PACSIN2: variants seen among roughly 807,000 people sequenced by gnomAD.
The protein encoded by PACSIN2 is protein kinase C and casein kinase substrate in neurons 2.
In PACSIN2, 25 loss-of-function variants were observed where a neutral mutation model predicts 63.8. That is an observed-to-expected ratio of 0.39 (90% confidence interval 0.29 to 0.55). The LOEUF (loss-of-function observed/expected upper bound fraction) is 0.55. PACSIN2 is among the 20% of genes least tolerant of loss of function. The pLI, the probability that PACSIN2 is intolerant of heterozygous loss-of-function variation, is 0.62. For missense variants in PACSIN2, 518 were observed against 646.9 expected, an observed-to-expected ratio of 0.80 and a Z score of 2.16; for synonymous variants, 255 against 256.2, an observed-to-expected ratio of 1.00 and a Z score of 0.05.
chr22:42,875,911 G>A (rs888639104), intron 10 of PACSIN2, among the ~76,000 whole-genome samples: 2 of 152,118 alleles, frequency 1.3e-5, no homozygotes, highest in Non-Finnish European at 2.9e-5. Flanking sequence ...GGGCTCAAGC[G>A]ATCCTTCCAC....
intron 1 of PACSIN2, among the ~76,000 whole-genome samples, chr22:42,964,179 G>A (rs1920934648): frequency 6.6e-6 from 1 of 152,146 alleles, no homozygotes; most frequent in Non-Finnish European, 1.5e-5. Context: ...GTACTTTGTG[G>A]GGCCAAGGTG....
chr22:43,002,209 G>A (rs1311833034), intron 1 of PACSIN2: 1 of 152,130 alleles, frequency 6.6e-6, no homozygotes, highest in Non-Finnish European at 1.5e-5. Flanking sequence ...AGGACCACAC[G>A]ACCCCCAGGC....
intron 4 of PACSIN2, among the ~76,000 whole-genome samples, chr22:42,890,004 CT>C (rs573073554): frequency 1.9e-3 from 266 of 136,986 alleles, no homozygotes; most frequent in African/African-American, 4.0e-3. Context: ...GCCAAAGGGA[CT>C]TTTTTTTTTT....
intron 2 of PACSIN2, among the ~76,000 whole-genome samples, chr22:42,903,917 G>A (rs1245877398): frequency 6.6e-6 from 1 of 152,142 alleles, no homozygotes; most frequent in Non-Finnish European, 1.5e-5. Flanking sequence ...CGAAGGTGAA[G>A]AAAATGGAGC....
chr22:42,936,673 G>C (rs1200272635), intron 1 of PACSIN2, among the ~76,000 whole-genome samples: 1 of 152,152 alleles, frequency 6.6e-6, no homozygotes, highest in East Asian at 1.9e-4. Context: ...CACTTTGGAA[G>C]GTCCAACTGG....
chr22:42,919,794 A>AAAAGAAAG lies in PACSIN2; in HGVS notation c.-77-7645_-77-7638dup, dbSNP rs1555917999. Among the ~76,000 whole-genome samples the AAAAGAAAG allele has an allele frequency of 0.011, 1,133 of 105,126 alleles. 59 individuals carry two copies. In the East Asian group the frequency reaches 0.11, roughly 11 times the overall value. 69.0% of individuals were successfully genotyped at this position (105,126 alleles called of 152,430 possible). On this transcript the variant is annotated intron_variant, in intron 1 of 10. Transcript: ENST00000263246. ...TCTCAAAAAAAAAAAAAAAAAAAAA[A>AAAAGAAAG]AAAGAAAGAAAGAAAGAAAAAGAAA...
chr22:42,937,402 C>G (rs1932959882), intron 1 of PACSIN2, among the ~76,000 whole-genome samples: 1 of 152,030 alleles, frequency 6.6e-6, no homozygotes, highest in African/African-American at 2.4e-5. Context: ...TGAGCCCAGG[C>G]AGGCGGCAGT....
intron 2 of PACSIN2, among the ~76,000 whole-genome samples, chr22:42,898,000 C>T (rs1206091490): frequency 6.6e-6 from 1 of 151,876 alleles, no homozygotes; most frequent in African/African-American, 2.4e-5. Context: ...GGCCTGCATC[C>T]TGAAGGGTGT....
At chr22:42,875,149 C>T (rs1928509147) in intron 10 of PACSIN2, among the ~76,000 whole-genome samples, 1 of 129,122 alleles carries the variant, frequency 7.7e-6, no homozygotes, top group Non-Finnish European at 1.7e-5. Context: ...CATGCCCAGC[C>T]TACTTTTTTT....
chr22:42,872,864 A>G (rs1928273148), intron 10 of PACSIN2, among the ~76,000 whole-genome samples: 1 of 152,284 alleles, frequency 6.6e-6, no homozygotes, highest in South Asian at 2.1e-4. Flanking sequence ...TGCAGGGGCC[A>G]CAGGGCAGCA....
chr22:42,881,740 T>C (rs1929089778), intron 7 of PACSIN2, among the ~76,000 whole-genome samples: 1 of 152,118 alleles, frequency 6.6e-6, no homozygotes, highest in African/African-American at 2.4e-5. Context: ...TAGGGAAAAG[T>C]CCTTTGTTGG....
intron 1 of PACSIN2, among the ~76,000 whole-genome samples, chr22:43,009,429 G>A (rs1218996487): frequency 6.6e-6 from 1 of 152,224 alleles, no homozygotes; most frequent in Non-Finnish European, 1.5e-5. Context: ...AATATCACAG[G>A]TGAGAGGGAG....
At chr22:43,002,289 G>A (rs1923819505) in intron 1 of PACSIN2, 1 of 152,164 alleles carries the variant, frequency 6.6e-6, no homozygotes, top group Non-Finnish European at 1.5e-5. Flanking sequence ...GAAAGCTAGA[G>A]AAGGTCTGTG....
At chr22:42,975,646 C>T (rs1400285741) in intron 1 of PACSIN2, among the ~76,000 whole-genome samples, 3 of 126,584 alleles carry the variant, frequency 2.4e-5, no homozygotes, top group Non-Finnish European at 3.4e-5. Context: ...AGAGCCTTGT[C>T]AATATTCTTT....
intron 1 of PACSIN2, among the ~76,000 whole-genome samples, chr22:43,012,974 T>C (rs1924602518): frequency 6.6e-6 from 1 of 151,990 alleles, no homozygotes; most frequent in Non-Finnish European, 1.5e-5. Flanking sequence ...GTATCTTTAG[T>C]AGAGACGGGG....
At chr22:42,946,547 C>T (rs529847011) in intron 1 of PACSIN2, among the ~76,000 whole-genome samples, 28 of 152,166 alleles carry the variant, frequency 1.8e-4, no homozygotes, top group Non-Finnish European at 3.7e-4. Context: ...AAAACTCTGT[C>T]TCAAAAAACA....
In PACSIN2 at chr22:42,882,224, T is replaced by C. The variant is rs201372955; in HGVS notation, c.866A>G (p.Asn289Ser). 82 of 1,614,130 alleles carry C rather than the reference T, an allele frequency of 5.1e-5. No homozygotes were observed. The highest frequency in any genetic ancestry group is 4.5e-4 in the African/African-American group (34 of 75,076). The change falls in exon 7 of 11, where the codon AAT becomes AGT. Residue 289 changes from asparagine (N) to serine (S), a missense_variant. Physicochemically the swap from Asn to Ser is conservative, Grantham distance 46. Around this residue, in one of 2 missense-constraint regions of PACSIN2, gnomAD observed 507 missense variants for 612.3 expected, o/e 0.83. Coordinates refer to ENST00000263246, the MANE Select transcript of PACSIN2 (RefSeq NM_001184970.3). The part of the protein sequence containing the change: ...AVEDLRWFRA[N>S]HGPGMAMNWP... ...GTTCATGGCCATGCCCGGCCCGTGA[T>C]TGGCTCGGAACCACCTCAGGTCCTC...
At chr22:42,904,431 G>T (rs977680647) in intron 2 of PACSIN2, among the ~76,000 whole-genome samples, 1 of 152,204 alleles carries the variant, frequency 6.6e-6, no homozygotes, top group African/African-American at 2.4e-5. Flanking sequence ...CCTCAGGGAG[G>T]CGCCCCCACT....
At chr22:42,944,995 G>C (rs1292182292) in intron 1 of PACSIN2, among the ~76,000 whole-genome samples, 1 of 151,948 alleles carries the variant, frequency 6.6e-6, no homozygotes, top group African/African-American at 2.4e-5. Flanking sequence ...CTACTCAGGA[G>C]GCTGAGGCAG....
Sources: gnomAD v4.1 joint callset for allele counts (sites outside exome capture counted in the v4.1 genomes callset) on GRCh38, gnomAD v4.1.1 for gene constraint, gnomAD v4.1.1 regional missense constraint, MANE v1.5 for transcripts, NCBI Gene and HGNC (gene_info 2026-07-23, HGNC 2026-07-21) for gene names.